Variants in SV2B observed in about 807,000 individuals in gnomAD.
SV2B encodes the protein solute carrier family 22 member B2.
A neutral mutation model predicts 73.9 loss-of-function variants in SV2B; 41 were observed. That is an observed-to-expected ratio of 0.56 (90% CI 0.43 to 0.72). The LOEUF is 0.72. Among genes scored for constraint, SV2B ranks in the 30% least tolerant of loss-of-function variants. The probability of loss-of-function intolerance (pLI) is 0.00; values close to 1 mark genes in which losing one functional copy is unlikely to be tolerated. For synonymous variants in SV2B, 314 were observed against 314.2 expected (o/e 1.00, Z 0.01); for missense variants, 764 against 857.8 (o/e 0.89, Z 1.37).
chr15:91,283,928 C>A lies in SV2B; in HGVS notation c.1508-93C>A. On this transcript the variant is annotated intron_variant, in intron 10 of 12. Transcript: ENST00000394232. The surrounding 1 kb of genome is among the most constrained non-coding windows in gnomAD (Gnocchi z 4.3). ...ACTGGCAAAGGCTGGCACAGCCTGC[C>A]TACAGGAGGGGGCAGACTTCATCCC... 1 of 1,364,228 alleles carries A rather than the reference C, an allele frequency of 7.3e-7. No homozygotes were observed. Among genetic ancestry groups the A allele is most frequent in the Non-Finnish European group, 1.0e-6 (1 of 967,650 alleles). 84.5% of individuals were successfully genotyped at this position (1,364,228 alleles called of 1,614,324 possible).
chr15:91,298,119 A>T lies in SV2B; in HGVS notation c.*5567A>T, dbSNP rs2049315842. 2 of 152,224 alleles carry T rather than the reference A, an allele frequency of 1.3e-5. No individual in the cohort carries two copies. The highest frequency in any genetic ancestry group is 1.3e-4 in the Admixed American group (2 of 15,286). The allele number at this position is 152,224 out of a possible 1,614,324, so 9.4% of individuals were successfully genotyped here. A position where few individuals can be genotyped will look rare whatever the true frequency, so the allele number is the denominator to read the frequency against. Reference sequence around the variant, plus strand: ...ACAGTCCACCTGAACGTGCCTGGAAATGTCTCCCGAAAAGGATGAAAAGCC... The same window carrying T: ...ACAGTCCACCTGAACGTGCCTGGAATTGTCTCCCGAAAAGGATGAAAAGCC... On this transcript the variant is annotated 3_prime_UTR_variant, in exon 13 of 13. Coordinates refer to ENST00000394232, the MANE Select transcript of SV2B (RefSeq NM_001323032.3). The surrounding 1 kb of genome is among the most constrained non-coding windows in gnomAD (Gnocchi z 5.4).
Position 91,289,932 on chromosome 15 carries a change from G to C in SV2B, c.1868+252G>C, listed in dbSNP as rs2048985473. On this transcript the variant is annotated intron_variant, in intron 12 of 12. Transcript: ENST00000394232. The surrounding 1 kb of genome is among the most constrained non-coding windows in gnomAD (Gnocchi z 4.9). ...TGGGAGCAAACTATGTCCAGGAGAA[G>C]GAAATAAGAGTGAAAAGTTGGTAAA... Among the ~76,000 whole-genome samples the C allele has an allele frequency of 1.3e-5, 2 of 152,196 alleles. No homozygotes were observed. The highest frequency in any genetic ancestry group is 2.1e-4 in the South Asian group (1 of 4,830).
At chr15:91,209,668 T>C (rs1418553639) in intron 1 of SV2B, among the ~76,000 whole-genome samples, 1 of 152,176 alleles carries the variant, frequency 6.6e-6, no homozygotes, top group Non-Finnish European at 1.5e-5. Flanking sequence ...GACCTGGGTT[T>C]GAATCTAGCT....
Position 91,223,789 on chromosome 15 carries a change from A to G in SV2B, c.-391-2084A>G, listed in dbSNP as rs1246723133. The stretch of plus-strand genomic sequence containing the variant: ...TTTACTGGAGATGGTGAAAAATCGG[A>G]AAGAGTAGAGTGCGAATCATTTCTT... On this transcript the variant is annotated intron_variant, in intron 1 of 12. Transcript: ENST00000394232. This position sits in a 1 kb window ranked among gnomAD's most constrained non-coding sequence, Gnocchi z 4.6. Among the ~76,000 whole-genome samples, 2 of 152,352 alleles carry G rather than the reference A, an allele frequency of 1.3e-5. No homozygotes were observed. The highest frequency in any genetic ancestry group is 3.8e-4 in the East Asian group (2 of 5,196).
intron 9 of SV2B, among the ~76,000 whole-genome samples, chr15:91,277,175 G>C (rs1220058901): frequency 6.6e-6 from 1 of 152,158 alleles, no homozygotes; most frequent in African/African-American, 2.4e-5. Flanking sequence ...TTGCAAGTCA[G>C]ATGTTTTGTA....
In SV2B at chr15:91,245,851, A is replaced by AT. The variant is rs200199126; in HGVS notation, c.452-5958dup. Among the ~76,000 whole-genome samples the AT allele has an allele frequency of 3.8e-4, 58 of 151,054 alleles. No homozygotes were observed. Among genetic ancestry groups the AT allele is most frequent in the East Asian group, 1.2e-3 (6 of 5,166 alleles). The stretch of plus-strand genomic sequence containing the variant: ...ACTGTGGTCTACAAACCTATGACCA[A>AT]TTTTTTTTTTAACATTTTTAAAGGG... On this transcript the variant is annotated intron_variant, in intron 2 of 12. Transcript: ENST00000394232. This position sits in a 1 kb window ranked among gnomAD's most constrained non-coding sequence, Gnocchi z 4.2.
rs997581967 is a variant in SV2B at position 91,261,878 on chromosome 15, C to T, written c.1008+1469C>T. ...TGTCTTCCTGCCTGCCATGCTCTGA[C>T]AAACCAGGAGGCTATAGGCATCTTT... On this transcript the variant is annotated intron_variant, in intron 6 of 12. Transcript: ENST00000394232. The surrounding 1 kb of genome is among the most constrained non-coding windows in gnomAD (Gnocchi z 4.7). Among the ~76,000 whole-genome samples, 3 of 152,226 alleles carry T rather than the reference C, an allele frequency of 2.0e-5. No homozygotes were observed. Among genetic ancestry groups the T allele is most frequent in the Non-Finnish European group, 2.9e-5 (2 of 68,046 alleles).
chr15:91,107,756 T>G (rs1445055858), intron 1 of SV2B, among the ~76,000 whole-genome samples: 2 of 152,082 alleles, frequency 1.3e-5, no homozygotes, highest in African/African-American at 4.8e-5. Flanking sequence ...AATACAGGCA[T>G]GCACCACCAT....
chr15:91,150,623 C>T (rs2043286657), intron 1 of SV2B, among the ~76,000 whole-genome samples: 1 of 152,214 alleles, frequency 6.6e-6, no homozygotes, highest in Admixed American at 6.5e-5. Context: ...GGAGGACCAG[C>T]TGTCCATATT....
chr15:91,133,434 A>G (rs915126903), intron 1 of SV2B, among the ~76,000 whole-genome samples: 1 of 151,962 alleles, frequency 6.6e-6, no homozygotes, highest in Non-Finnish European at 1.5e-5. Flanking sequence ...CTCTGCTCAA[A>G]TGCACTGGAA....
chr15:91,217,443 A>G (rs1446829295), intron 1 of SV2B, among the ~76,000 whole-genome samples: 1 of 152,014 alleles, frequency 6.6e-6, no homozygotes, highest in Non-Finnish European at 1.5e-5. Context: ...AAGGGATAGC[A>G]TTAGGAGATA....
chr15:91,268,599 ATGAT>A lies in SV2B; in HGVS notation c.1368_1371del (p.Asn456LysfsTer26). 6.2e-7 allele frequency: 1 copy of A among 1,612,902 alleles called. No individual in the cohort carries two copies. Among genetic ancestry groups the A allele is most frequent in the Non-Finnish European group, 8.5e-7 (1 of 1,178,980 alleles). ...ATCCACCAACATGGGAAACTTGTGA[ATGAT>A]AAGTAAGTGAGTGATCACGGGCTTC... On this transcript the variant is annotated frameshift_variant and splice_region_variant, in exon 9 of 13. Coordinates refer to ENST00000394232, the MANE Select transcript of SV2B (RefSeq NM_001323032.3). LOFTEE classifies it high-confidence loss of function. The surrounding 1 kb of genome is among the most constrained non-coding windows in gnomAD (Gnocchi z 4.4).
At chr15:91,238,405 T>C (rs904633277) in intron 2 of SV2B, among the ~76,000 whole-genome samples, 24 of 152,186 alleles carry the variant, frequency 1.6e-4, no homozygotes, top group African/African-American at 5.8e-4. Context: ...AACTAGTCAG[T>C]GACAGATCTA....
In SV2B at chr15:91,132,293, G is replaced by C. The variant is rs140832417; in HGVS notation, c.-392+31930G>C. Among the ~76,000 whole-genome samples the C allele has an allele frequency of 4.5e-3, 680 of 152,302 alleles. 4 individuals are homozygous for C. The highest frequency in any genetic ancestry group is 0.016 in the African/African-American group (646 of 41,568). ...TGAAGTAGTAGCCCACAATCAGTCT[G>C]ATTGGTTGCAGAAAGCAGCCAACCA... On this transcript the variant is annotated intron_variant, in intron 1 of 12. Coordinates refer to ENST00000394232, the MANE Select transcript of SV2B (RefSeq NM_001323032.3). The surrounding 1 kb of genome is among the most constrained non-coding windows in gnomAD (Gnocchi z 4.6).
chr15:91,301,351 C>G lies in SV2B; in HGVS notation c.*8799C>G, dbSNP rs2049438332. 6.6e-6 allele frequency: 1 copy of G among 152,166 alleles called. No homozygotes were observed. The highest frequency in any genetic ancestry group is 1.5e-5 in the Non-Finnish European group (1 of 68,036). The allele number at this position is 152,166 out of a possible 1,614,324, so 9.4% of individuals were successfully genotyped here. A position where few individuals can be genotyped will look rare whatever the true frequency, so the allele number is the denominator to read the frequency against. Reference sequence around the variant, plus strand: ...ATATTTTTCGTGGTTTCATTTATCTCTCCCTTCAGATGTTTTTCCATCTGA... The same window carrying G: ...ATATTTTTCGTGGTTTCATTTATCTGTCCCTTCAGATGTTTTTCCATCTGA... On this transcript the variant is annotated 3_prime_UTR_variant, in exon 13 of 13. Coordinates refer to ENST00000394232, the MANE Select transcript of SV2B (RefSeq NM_001323032.3). The surrounding 1 kb of genome is among the most constrained non-coding windows in gnomAD (Gnocchi z 4.3).
rs931113782 is a variant in SV2B at position 91,239,511 on chromosome 15, C to T, written c.452-12308C>T. Among the ~76,000 whole-genome samples, 4 of 151,974 alleles carry T rather than the reference C, an allele frequency of 2.6e-5. No homozygotes were observed. The highest frequency in any genetic ancestry group is 9.7e-5 in the African/African-American group (4 of 41,364). On this transcript the variant is annotated intron_variant, in intron 2 of 12. Transcript: ENST00000394232. The surrounding 1 kb of genome is among the most constrained non-coding windows in gnomAD (Gnocchi z 5.1). ...CGTTTCTGACTTGAAGAAACTGAGC[C>T]CCAAGGAGAAAGTGACTTGGTCAAG...
At chr15:91,246,597 C>T (rs986714722) in intron 2 of SV2B, among the ~76,000 whole-genome samples, 2 of 152,170 alleles carry the variant, frequency 1.3e-5, no homozygotes, top group African/African-American at 4.8e-5. Context: ...CTCTTTCTTG[C>T]ATGGTGCCTG....
chr15:91,269,007 C>T (rs1189431913), intron 9 of SV2B, among the ~76,000 whole-genome samples: 1 of 152,126 alleles, frequency 6.6e-6, no homozygotes, highest in African/African-American at 2.4e-5. Flanking sequence ...GAAGCTTTTC[C>T]ATGCCAGGAC....
chr15:91,164,432 G>C (rs2043838545), intron 1 of SV2B, among the ~76,000 whole-genome samples: 1 of 152,186 alleles, frequency 6.6e-6, no homozygotes, highest in Admixed American at 6.5e-5. Context: ...CTTTAAGCCA[G>C]AATACTGTGT....
Sources: allele counts gnomAD v4.1 joint callset (sites outside exome capture counted in the v4.1 genomes callset), GRCh38; gene constraint gnomAD v4.1.1; non-coding constraint Gnocchi (gnomAD v3.1); transcripts MANE v1.5; gene names NCBI Gene and HGNC (gene_info 2026-07-23, HGNC 2026-07-21).